UEVLD: variants seen among roughly 807,000 people sequenced by gnomAD.
UEVLD encodes ubiquitin-conjugating enzyme E2 variant 3.
In UEVLD, 47 loss-of-function variants were observed where a neutral mutation model predicts 58.6. The observed-to-expected ratio is 0.80, with a 90% CI of 0.63 to 1.02. The LOEUF (loss-of-function observed/expected upper bound fraction) is 1.02, where lower values mean the gene tolerates loss of function less well. Among genes scored for constraint, UEVLD ranks in the 50% least tolerant of loss-of-function variants. The pLI, the probability that UEVLD is intolerant of heterozygous loss-of-function variation, is 0.00. For synonymous variants in UEVLD, 197 were observed against 195.3 expected, an observed-to-expected ratio of 1.01 and a Z score of -0.07; for missense variants, 510 against 550.6, an observed-to-expected ratio of 0.93 and a Z score of 0.74.
intron 7 of UEVLD, among the ~76,000 whole-genome samples, chr11:18,547,695 C>G (rs1301210421): frequency 6.6e-6 from 1 of 151,992 alleles, no homozygotes; most frequent in Non-Finnish European, 1.5e-5. Context: ...ATCAATTACA[C>G]CATTGGTTCC....
intron 1 of UEVLD, among the ~76,000 whole-genome samples, chr11:18,583,486 T>C (rs1853366628): frequency 6.6e-6 from 1 of 152,156 alleles, no homozygotes; most frequent in Non-Finnish European, 1.5e-5. Context: ...CCCAAAATGC[T>C]GGGATTACAG....
chr11:18,566,193 C>G (rs1485559453), intron 5 of UEVLD, among the ~76,000 whole-genome samples, 154 bp downstream of exon 5: 1 of 152,138 alleles, frequency 6.6e-6, no homozygotes, highest in African/African-American at 2.4e-5. Context: ...GCCACTGCGC[C>G]TGGCCTGAGG....
intron 11 of UEVLD, 22 bp from the exon 12 acceptor site, chr11:18,532,509 T>A: frequency 6.4e-7 from 1 of 1,558,806 alleles, no homozygotes; most frequent in Non-Finnish European, 8.7e-7. Flanking sequence ...AAAATAGGGA[T>A]TTAATAGAAC....
At chr11:18,584,740 C>A (rs1220247796) in intron 1 of UEVLD, among the ~76,000 whole-genome samples, 5 of 152,160 alleles carry the variant, frequency 3.3e-5, no homozygotes, top group Non-Finnish European at 5.9e-5. Context: ...TCAAGCGATT[C>A]TCCTGTCTCA....
intron 1 of UEVLD, among the ~76,000 whole-genome samples, chr11:18,580,660 A>G (rs1423140998): frequency 6.6e-6 from 1 of 151,820 alleles, no homozygotes; most frequent in Admixed American, 6.6e-5. Flanking sequence ...AAAAAAAAAA[A>G]AAAGAAAAAT....
intron 4 of UEVLD, 199 bp downstream of exon 4, chr11:18,570,015 G>A (rs72878894): frequency 0.013 from 6,249 of 470,120 alleles, 63 homozygotes; most frequent in Non-Finnish European, 0.018. Context: ...GGAGGGAGCA[G>A]CTTTGTACAG....
rs929800991 is a variant in UEVLD, at chr11:18,575,557, T to C, written c.128-145A>G. On this transcript the variant is annotated intron_variant, in intron 2 of 11. Coordinates refer to ENST00000396197, the MANE Select transcript of UEVLD (RefSeq NM_001040697.4). ...TCTCTAAACATAATCTAGGAATCGG[T>C]AAATCTGTCAACAAGAGGAAATGAC... is the stretch of plus-strand genomic sequence containing the variant. 8.6e-5 allele frequency: 65 copies of C among 759,178 alleles called. No individual in the cohort carries two copies. The African/African-American group carries it at 1.1e-3, about 13-fold the overall frequency. 47.0% of individuals were successfully genotyped at this position (759,178 alleles called of 1,614,324 possible). A position where few individuals can be genotyped will look rare whatever the true frequency, so the allele number is the denominator to read the frequency against.
chr11:18,571,360 A>G (rs1445393625), intron 3 of UEVLD, among the ~76,000 whole-genome samples: 3 of 152,134 alleles, frequency 2.0e-5, no homozygotes, highest in African/African-American at 7.2e-5. Flanking sequence ...AAACAAAACA[A>G]AACAAAAAAT....
chr11:18,565,453 A>G (rs1852249006), intron 5 of UEVLD, among the ~76,000 whole-genome samples: 1 of 152,200 alleles, frequency 6.6e-6, no homozygotes, highest in African/African-American at 2.4e-5. Context: ...ACATATCATG[A>G]AAAAAAGTTT....
Position 18,564,965 on chromosome 11 carries a change from T to C in UEVLD, c.539A>G (p.Lys180Arg). The change falls in exon 6 of 12, where the codon AAA becomes AGA. Residue 180 changes from lysine to arginine, a missense_variant. By Grantham distance (26) the Lys-to-Arg change is conservative. Transcript: ENST00000396197. ...AACCACAGTAATTTTATTGACTGTTTTATTCTCATGATTTGCCCAGCTCTT... is the reference window on the plus strand; with the variant it reads ...AACCACAGTAATTTTATTGACTGTTCTATTCTCATGATTTGCCCAGCTCTT... ...NSKSWANHEN[K>R]TVNKITVVGG... 6.2e-7 allele frequency: 1 copy of C among 1,613,890 alleles called. No individual in the cohort carries two copies.
In UEVLD at chr11:18,534,223, G is replaced by A. The variant is rs972407764; in HGVS notation, c.1248+107C>T. 7.4e-6 allele frequency: 6 copies of A among 815,360 alleles called. No homozygotes were observed. The Admixed American group carries it at 2.1e-4, about 28-fold the overall frequency. The allele number at this position is 815,360 out of a possible 1,614,324, so 50.5% of individuals were successfully genotyped here. On this transcript the variant is annotated intron_variant, in intron 11 of 11. Coordinates refer to ENST00000396197, the MANE Select transcript of UEVLD (RefSeq NM_001040697.4). ...CTCCTACCTGTTACTCTAAAAGCTG[G>A]TGATACTGAAGACACCTGGGGTTAG...
chr11:18,558,686 A>G (rs1483331162), intron 6 of UEVLD, among the ~76,000 whole-genome samples: 1 of 151,234 alleles, frequency 6.6e-6, no homozygotes, highest in Non-Finnish European at 1.5e-5. Context: ...CAGGAGGCTG[A>G]GGCAGGAGAA....
intron 9 of UEVLD, chr11:18,536,895 CTTTTTTT>C: frequency 7.2e-6 from 1 of 139,392 alleles, no homozygotes. Context: ...AATCCTGTTC[CTTTTTTT>C]TTTTTTTTTT....
chr11:18,557,555 C>CT (rs565115740), intron 7 of UEVLD, among the ~76,000 whole-genome samples: 172 of 138,056 alleles, frequency 1.2e-3, no homozygotes, highest in East Asian at 2.5e-3. Flanking sequence ...TTCTTTTTTT[C>CT]TTTTTTTTTT....
chr11:18,573,961 GC>G (rs139631435), intron 3 of UEVLD, among the ~76,000 whole-genome samples: 30,785 of 151,992 alleles, frequency 0.2, 3,253 homozygotes, highest in East Asian at 0.25. Context: ...ATCTTTCTCA[GC>G]CCCCCTTTCA....
At chr11:18,582,271 C>T (rs986745467) in intron 1 of UEVLD, among the ~76,000 whole-genome samples, 79 of 152,224 alleles carry the variant, frequency 5.2e-4, no homozygotes, top group African/African-American at 1.7e-3. Context: ...GCACTCTTCT[C>T]GGGACTTAAA....
chr11:18,561,181 C>T (rs539368233), intron 6 of UEVLD, among the ~76,000 whole-genome samples: 110 of 152,172 alleles, frequency 7.2e-4, no homozygotes, highest in Non-Finnish European at 1.3e-3. Context: ...TTTAAATTCT[C>T]GCTTCATCAT....
intron 7 of UEVLD, among the ~76,000 whole-genome samples, chr11:18,554,137 G>T (rs938093281): frequency 6.6e-6 from 1 of 152,056 alleles, no homozygotes; most frequent in South Asian, 2.1e-4. Context: ...TTGCCCCCAG[G>T]ATGGAGTGCA....
intron 4 of UEVLD, 87 bp downstream of exon 4, chr11:18,570,127 T>G: frequency 7.6e-7 from 1 of 1,310,472 alleles, no homozygotes; most frequent in South Asian, 1.4e-5. Flanking sequence ...GAAAATGCAG[T>G]ATCATACTTA....
Sources: gnomAD v4.1 joint callset for allele counts (sites outside exome capture counted in the v4.1 genomes callset) on GRCh38, gnomAD v4.1.1 for gene constraint, MANE v1.5 for transcripts, NCBI Gene and HGNC (gene_info 2026-07-23, HGNC 2026-07-21) for gene names.